OPCML: variants seen among roughly 807,000 people sequenced by gnomAD.
The protein encoded by OPCML is opioid binding protein/cell adhesion molecule like.
OPCML carries 13 observed loss-of-function variants against 37.8 expected under a neutral mutation model. The observed-to-expected ratio is 0.34, with a 90% CI of 0.22 to 0.55. The LOEUF (loss-of-function observed/expected upper bound fraction) is 0.55. Ranked by LOEUF, OPCML falls within the 20% of genes least tolerant of loss-of-function variation. The pLI is 0.91. For synonymous variants in OPCML, 176 were observed against 168.8 expected (o/e 1.04, Z -0.33); for missense variants, 341 against 435.6 (o/e 0.78, Z 1.93).
intron 1 of OPCML, among the ~76,000 whole-genome samples, chr11:133,191,504 G>GGTGTGT (rs56143154): frequency 0.011 from 1,526 of 142,426 alleles, 26 homozygotes; most frequent in African/African-American, 0.033. Flanking sequence ...TGTGTGTGTG[G>GGTGTGT]GTGTGTGTGT....
intron 1 of OPCML, among the ~76,000 whole-genome samples, chr11:132,982,040 C>T (rs369004692): frequency 1.3e-5 from 2 of 152,134 alleles, no homozygotes; most frequent in Admixed American, 6.5e-5. Context: ...AATGTTCTGC[C>T]GAGCCTTGTC....
chr11:133,090,138 G>A (rs545559806), intron 1 of OPCML, among the ~76,000 whole-genome samples: 7 of 152,116 alleles, frequency 4.6e-5, no homozygotes, highest in South Asian at 4.2e-4. Flanking sequence ...CATCCTCTCC[G>A]CCCTTACTAC....
chr11:132,772,048 G>A (rs1380783782), intron 2 of OPCML: 2 of 152,130 alleles, frequency 1.3e-5, no homozygotes, highest in South Asian at 2.1e-4. Context: ...GCCATTGTAG[G>A]GTAAATGCCA....
At chr11:132,733,213 A>G (rs1009950254) in intron 2 of OPCML, among the ~76,000 whole-genome samples, 6 of 152,150 alleles carry the variant, frequency 3.9e-5, no homozygotes, top group African/African-American at 1.4e-4. Context: ...GATTTCCTTG[A>G]GAATGATAGT....
intron 1 of OPCML, chr11:133,004,251 G>A (rs1368177499): frequency 1.8e-5 from 18 of 985,328 alleles, no homozygotes; most frequent in South Asian, 4.7e-5. Flanking sequence ...GGACGTAACT[G>A]CCTCCTTAGA....
At chr11:132,794,323 C>G (rs751532435) in intron 2 of OPCML, among the ~76,000 whole-genome samples, 9 of 152,218 alleles carry the variant, frequency 5.9e-5, no homozygotes, top group Non-Finnish European at 1.3e-4. Context: ...GTACACTGAA[C>G]ATCTGCAGGG....
chr11:133,055,654 C>T (rs111592209), intron 1 of OPCML, among the ~76,000 whole-genome samples: 19 of 148,768 alleles, frequency 1.3e-4, no homozygotes, highest in Admixed American at 7.3e-4. Flanking sequence ...ATGAGGGAGC[C>T]GCCTCTACCA....
intron 4 of OPCML, among the ~76,000 whole-genome samples, chr11:132,519,687 A>G (rs1003036775): frequency 2.3e-4 from 35 of 152,168 alleles, no homozygotes; most frequent in African/African-American, 8.0e-4. Context: ...TTTGCTTTGC[A>G]AAAATGTGAG....
chr11:132,550,300 G>C (rs2096378498), intron 3 of OPCML, among the ~76,000 whole-genome samples: 1 of 152,172 alleles, frequency 6.6e-6, no homozygotes, highest in African/African-American at 2.4e-5. Flanking sequence ...GGCCTGGTGG[G>C]CGGTGACTGG....
rs193124447 is a variant in OPCML at position 132,698,374 on chromosome 11, G to A, written c.147-41055C>T. 8.3e-4 allele frequency among the ~76,000 whole-genome samples: 127 copies of A among 152,176 alleles called. 3 individuals carry two copies. The highest frequency in any genetic ancestry group is 2.8e-3 in the African/African-American group (117 of 41,522). ...TTATGTATGTTTGTGGTTTTGATTTGTATTTCCCTGATGATTAGTGATGTT... is the reference window on the plus strand; with the variant it reads ...TTATGTATGTTTGTGGTTTTGATTTATATTTCCCTGATGATTAGTGATGTT... On this transcript the variant is annotated intron_variant, in intron 2 of 7. Coordinates refer to ENST00000524381, the MANE Select transcript of OPCML (RefSeq NM_001012393.5).
intron 2 of OPCML, among the ~76,000 whole-genome samples, chr11:132,791,106 T>C (rs934875677): frequency 6.6e-6 from 1 of 152,168 alleles, no homozygotes; most frequent in African/African-American, 2.4e-5. Context: ...GGGAGGACCA[T>C]GGGAGCCTGT....
chr11:132,969,541 C>A (rs1036554772), intron 1 of OPCML, among the ~76,000 whole-genome samples: 1 of 152,174 alleles, frequency 6.6e-6, no homozygotes, highest in Non-Finnish European at 1.5e-5. Flanking sequence ...CCCCCTGCAA[C>A]TGTGTTTAAA....
At chr11:133,311,307 G>A (rs1222700274) in intron 1 of OPCML, among the ~76,000 whole-genome samples, 2 of 152,222 alleles carry the variant, frequency 1.3e-5, no homozygotes, top group East Asian at 3.8e-4. Context: ...GGCAAAAGAT[G>A]TGAGTTCAGA....
intron 4 of OPCML, among the ~76,000 whole-genome samples, chr11:132,462,213 G>A (rs1365280031): frequency 3.9e-5 from 6 of 152,008 alleles, no homozygotes; most frequent in African/African-American, 9.7e-5. Context: ...TCCCCCCACC[G>A]CACCGCCCCC....
intron 1 of OPCML, chr11:133,024,498 T>A: frequency 1.0e-6 from 1 of 985,346 alleles, no homozygotes; most frequent in Non-Finnish European, 1.2e-6. Flanking sequence ...GGTAATGAGA[T>A]GTAGAGTTTA....
At chr11:133,326,331 TGG>T (rs1943451930) in intron 1 of OPCML, among the ~76,000 whole-genome samples, 1 of 32,646 alleles carries the variant, frequency 3.1e-5, no homozygotes. Context: ...GTGGGGGGAG[TGG>T]GTGTGTGTAT....
chr11:132,681,759 T>C (rs1591718840), intron 2 of OPCML, among the ~76,000 whole-genome samples: 1 of 151,854 alleles, frequency 6.6e-6, no homozygotes, highest in East Asian at 2.0e-4. Context: ...ATCGAGACCA[T>C]CCTGGCTAAC....
At chr11:132,704,698 A>G (rs889955657) in intron 2 of OPCML, among the ~76,000 whole-genome samples, 1 of 152,238 alleles carries the variant, frequency 6.6e-6, no homozygotes, top group African/African-American at 2.4e-5. Flanking sequence ...CAATGGATGA[A>G]CAGTAGGAAA....
intron 1 of OPCML, among the ~76,000 whole-genome samples, chr11:133,465,007 G>A (rs566257329): frequency 2.6e-5 from 4 of 152,290 alleles, no homozygotes; most frequent in South Asian, 2.1e-4. Context: ...AGCATGGTAT[G>A]TCTGTTCATT....
Sources: gnomAD v4.1 joint callset for allele counts (sites outside exome capture counted in the v4.1 genomes callset) on GRCh38, gnomAD v4.1.1 for gene constraint, MANE v1.5 for transcripts, NCBI Gene and HGNC (gene_info 2026-07-23, HGNC 2026-07-21) for gene names.